NOVA2: variants seen among roughly 807,000 people sequenced by gnomAD.
NOVA2 encodes the protein RNA-binding protein Nova-2.
A neutral mutation model predicts 22.5 loss-of-function variants in NOVA2; 9 were observed. The observed-to-expected ratio is 0.40, with a 90% CI of 0.24 to 0.70. The LOEUF (loss-of-function observed/expected upper bound fraction) is 0.70. Among genes scored for constraint, NOVA2 ranks in the 30% least tolerant of loss-of-function variants. The probability of loss-of-function intolerance (pLI) is 0.38; values close to 1 mark genes in which losing one functional copy is unlikely to be tolerated. For synonymous variants in NOVA2, 318 were observed against 335.2 expected, an observed-to-expected ratio of 0.95 and a Z score of 0.56; for missense variants, 383 against 682.8, an observed-to-expected ratio of 0.56 and a Z score of 4.89.
chr19:45,973,377 TGCTGCTGCG>T lies in NOVA2; in HGVS notation c.-35_-27del. ...GGGGGGGGCCTGGGGCGGCGGCTGCTGCTGCTGCGGCGGCTGCGGCGGCGGCGGCGGCGG... is the reference window on the plus strand; with the variant it reads ...GGGGGGGGCCTGGGGCGGCGGCTGCTGCGGCTGCGGCGGCGGCGGCGGCGG... On this transcript the variant is annotated 5_prime_UTR_variant, in exon 1 of 4. Transcript: ENST00000263257. The T allele has an allele frequency of 1.3e-6, 1 of 784,380 alleles. No homozygotes were observed. The highest frequency in any genetic ancestry group is 1.7e-6 in the Non-Finnish European group (1 of 599,382). 48.6% of individuals were successfully genotyped at this position (784,380 alleles called of 1,614,324 possible).
At chr19:45,953,022 T>A (rs768824088) in intron 3 of NOVA2, among the ~76,000 whole-genome samples, 1 of 152,218 alleles carries the variant, frequency 6.6e-6, no homozygotes. Context: ...GGAGTACGCA[T>A]GCATAGGGGA....
intron 1 of NOVA2, among the ~76,000 whole-genome samples, chr19:45,964,210 G>T: frequency 8.6e-6 from 1 of 116,038 alleles, no homozygotes; most frequent in African/African-American, 3.3e-5. Flanking sequence ...AGACAATCTC[G>T]CTCTTGTCAC....
chr19:45,973,209 T>TG, intron 1 of NOVA2, 58 bp downstream of exon 1: 1 of 941,690 alleles, frequency 1.1e-6, no homozygotes, highest in Non-Finnish European at 1.5e-6. Flanking sequence ...GGGGAAAGGA[T>TG]GGAGAAAGGC....
chr19:45,939,752 C>T lies in NOVA2; in HGVS notation c.*111G>A, dbSNP rs1967714875. 1.4e-6 allele frequency: 2 copies of T among 1,411,608 alleles called. No individual in the cohort carries two copies. Among genetic ancestry groups the T allele is most frequent in the Non-Finnish European group, 1.9e-6 (2 of 1,031,340 alleles). The allele number at this position is 1,411,608 out of a possible 1,614,324, so 87.4% of individuals were successfully genotyped here. On this transcript the variant is annotated 3_prime_UTR_variant, in exon 4 of 4. Transcript: ENST00000263257. ...GCAGTCGGGCCTACCCCAGCCCCAT[C>T]CCAAGAGGAGCAGGACTACACCAAG... is the stretch of plus-strand genomic sequence containing the variant.
At chr19:45,954,017 A>G (rs1451959291) in intron 2 of NOVA2, 71 bp from the exon 3 acceptor site, 14 of 1,533,662 alleles carry the variant, frequency 9.1e-6, no homozygotes, top group Non-Finnish European at 1.3e-5. Flanking sequence ...GACAGGCCCC[A>G]TTTAATGGAA....
In NOVA2 at chr19:45,965,173, C is replaced by T. The variant is rs1049689958; in HGVS notation, c.86-4020G>A. On this transcript the variant is annotated intron_variant, in intron 1 of 3. Transcript: ENST00000263257. ...GTCACAGATAAGGGGTCCTTTATCT[C>T]CAGAAGGCTCAGAAAGATGGGGAGG... Among the ~76,000 whole-genome samples the T allele has an allele frequency of 2.0e-5, 3 of 152,120 alleles. No homozygotes were observed. In the South Asian group the frequency reaches 6.2e-4, roughly 31 times the overall value.
intron 3 of NOVA2, among the ~76,000 whole-genome samples, chr19:45,943,752 A>G (rs947734168): frequency 1.3e-5 from 2 of 151,900 alleles, no homozygotes; most frequent in Non-Finnish European, 1.5e-5. Flanking sequence ...CCAGAACCCA[A>G]CTGACACAGT....
intron 3 of NOVA2, among the ~76,000 whole-genome samples, chr19:45,953,414 T>G (rs1967956088): frequency 2.6e-5 from 4 of 152,096 alleles, no homozygotes; most frequent in Non-Finnish European, 5.9e-5. Flanking sequence ...GTCACTGAGG[T>G]CACTTCCGGT....
intron 2 of NOVA2, among the ~76,000 whole-genome samples, chr19:45,956,278 AG>A (rs1968004911): frequency 6.6e-6 from 1 of 152,126 alleles, no homozygotes; most frequent in South Asian, 2.1e-4. Context: ...TGGATGCCCC[AG>A]GAAGAGCTGG....
Position 45,934,207 on chromosome 19 carries a change from G to C in NOVA2, c.*5656C>G, listed in dbSNP as rs1474787657. 1 of 152,210 alleles carries C rather than the reference G, an allele frequency of 6.6e-6. No individual in the cohort carries two copies. The highest frequency in any genetic ancestry group is 1.5e-5 in the Non-Finnish European group (1 of 68,056). The allele number at this position is 152,210 out of a possible 1,614,324, so 9.4% of individuals were successfully genotyped here. ...TTCCAAGAGGGAGAACAAGCCTGGA[G>C]AGGAGGCTACCTTAAGGTCCTAAGA... On this transcript the variant is annotated 3_prime_UTR_variant, in exon 4 of 4. Transcript: ENST00000263257.
At chr19:45,972,662 G>T (rs1011665835) in intron 1 of NOVA2, among the ~76,000 whole-genome samples, 35 of 151,744 alleles carry the variant, frequency 2.3e-4, no homozygotes, top group African/African-American at 8.5e-4. Context: ...GGCTGTAGAG[G>T]GCACACATAC....
intron 1 of NOVA2, among the ~76,000 whole-genome samples, chr19:45,964,010 G>T (rs982815069): frequency 6.6e-6 from 1 of 152,032 alleles, no homozygotes; most frequent in African/African-American, 2.4e-5. Flanking sequence ...GACTTGAACA[G>T]TGTCCCCAAA....
chr19:45,965,546 T>C (rs1331192773), intron 1 of NOVA2, among the ~76,000 whole-genome samples: 2 of 152,100 alleles, frequency 1.3e-5, no homozygotes, highest in African/African-American at 4.8e-5. Flanking sequence ...CTGGCCAACA[T>C]GGTGAAACTC....
At chr19:45,960,005 C>T (rs981557529) in intron 2 of NOVA2, among the ~76,000 whole-genome samples, 18 of 150,810 alleles carry the variant, frequency 1.2e-4, no homozygotes, top group African/African-American at 4.4e-4. Context: ...GCTTGTCGGG[C>T]ATTGGTCTTG....
In NOVA2 at chr19:45,939,818, A is replaced by T; in HGVS notation, c.*45T>A. ...GGGGGGGAGGAGGAGAGGGAAGAGG[A>T]GGAGATGGGAGGAGAGAAAAGGGTG... is the stretch of plus-strand genomic sequence containing the variant. On this transcript the variant is annotated 3_prime_UTR_variant, in exon 4 of 4. Coordinates refer to ENST00000263257, the MANE Select transcript of NOVA2 (RefSeq NM_002516.4). 6.2e-7 allele frequency: 1 copy of T among 1,608,342 alleles called. No homozygotes were observed. Among genetic ancestry groups the T allele is most frequent in the Non-Finnish European group, 8.5e-7 (1 of 1,176,644 alleles).
chr19:45,940,917 G>C lies in NOVA2; in HGVS notation c.425C>G (p.Ala142Gly), dbSNP rs752326332. The C allele has an allele frequency of 6.2e-7, 1 of 1,604,560 alleles. No individual in the cohort carries two copies. The highest frequency in any genetic ancestry group is 1.7e-5 in the Admixed American group (1 of 59,938). Reference protein sequence around the residue: ...QAKLIVPNSTAGLIIGKGGAT... With the variant: ...QAKLIVPNSTGGLIIGKGGAT... The stretch of plus-strand genomic sequence containing the variant: ...GCCTCCCTTGCCGATGATCAGGCCC[G>C]CCGTGCTGTTGGGGACGATCAGCTT... The change falls in exon 4 of 4, where the codon GCG (alanine) becomes GGG (glycine). Residue 142 changes from alanine to glycine, a missense_variant. By Grantham distance (60) the Ala-to-Gly change is moderately conservative. Around this residue, in one of 2 missense-constraint regions of NOVA2, gnomAD observed 349 missense variants for 578.1 expected, o/e 0.60. Transcript: ENST00000263257.
intron 2 of NOVA2, among the ~76,000 whole-genome samples, chr19:45,956,582 G>T (rs999368512): frequency 6.6e-6 from 1 of 151,898 alleles, no homozygotes; most frequent in African/African-American, 2.4e-5. Flanking sequence ...TGATTCTCAT[G>T]CCTAAGCCTC....
At chr19:45,954,603 G>A (rs530057471) in intron 2 of NOVA2, among the ~76,000 whole-genome samples, 4 of 152,240 alleles carry the variant, frequency 2.6e-5, no homozygotes, top group African/African-American at 9.6e-5. Flanking sequence ...GGTGTGGACA[G>A]GGGAGAGCAG....
intron 2 of NOVA2, among the ~76,000 whole-genome samples, chr19:45,960,502 G>C (rs1295061881): frequency 1.3e-5 from 2 of 151,896 alleles, no homozygotes; most frequent in African/African-American, 2.4e-5. Flanking sequence ...GCAAGAGACA[G>C]AGGGAGGCAG....
Sources: gnomAD v4.1 joint callset for allele counts (sites outside exome capture counted in the v4.1 genomes callset) on GRCh38, gnomAD v4.1.1 for gene constraint, gnomAD v4.1.1 regional missense constraint, MANE v1.5 for transcripts, NCBI Gene and HGNC (gene_info 2026-07-23, HGNC 2026-07-21) for gene names.